VAV2: variants seen among roughly 807,000 people sequenced by gnomAD.
VAV2 encodes vav guanine nucleotide exchange factor 2.
In VAV2, 67 loss-of-function variants were observed where a neutral mutation model predicts 132.5. That is an observed-to-expected ratio of 0.51 (90% CI 0.42 to 0.62). The LOEUF is 0.62. VAV2 is among the 20% of genes least tolerant of loss of function. The pLI is 0.00. For missense variants in VAV2, 938 were observed against 1,153.6 expected (o/e 0.81, Z 2.71); for synonymous variants, 492 against 443.5 (o/e 1.11, Z -1.37).
intron 17 of VAV2, among the ~76,000 whole-genome samples, chr9:133,784,877 G>A (rs1007469216): frequency 2.6e-5 from 4 of 152,136 alleles, no homozygotes; most frequent in African/African-American, 9.7e-5. Context: ...GGATGGCTGG[G>A]GTGGGGTGGG....
chr9:133,797,050 T>C (rs1834747114), intron 10 of VAV2, among the ~76,000 whole-genome samples: 2 of 152,180 alleles, frequency 1.3e-5, no homozygotes, highest in South Asian at 4.1e-4. Flanking sequence ...CCACGCTGCC[T>C]CCACCACTGC....
chr9:133,862,931 C>T (rs920820042), intron 2 of VAV2, among the ~76,000 whole-genome samples: 3 of 152,186 alleles, frequency 2.0e-5, no homozygotes, highest in African/African-American at 7.2e-5. Flanking sequence ...CTGAGTGCTG[C>T]CTTCCTGTAC....
chr9:133,819,941 A>C (rs947009880), intron 4 of VAV2, among the ~76,000 whole-genome samples: 1 of 152,270 alleles, frequency 6.6e-6, no homozygotes, highest in African/African-American at 2.4e-5. Flanking sequence ...GTATTTGATA[A>C]AACAATGTTA....
intron 7 of VAV2, among the ~76,000 whole-genome samples, chr9:133,808,711 G>C (rs62576510): frequency 0.14 from 21,851 of 152,246 alleles, 1,681 homozygotes; most frequent in Admixed American, 0.2. Flanking sequence ...AGCTCTAGGT[G>C]GGGTGGGGGG....
intron 5 of VAV2, 50 bp from the exon 6 acceptor site, chr9:133,810,255 C>A: frequency 6.2e-7 from 1 of 1,611,678 alleles, no homozygotes; most frequent in East Asian, 2.2e-5. Flanking sequence ...GCAGGGCCCA[C>A]ACTGTCCTGG....
chr9:133,949,243 C>T (rs907071924), intron 1 of VAV2, among the ~76,000 whole-genome samples: 6 of 152,032 alleles, frequency 3.9e-5, no homozygotes, highest in East Asian at 3.9e-4. Flanking sequence ...AGCAAGCTTC[C>T]GGACCCCTGT....
At chr9:133,949,162 G>A (rs961407102) in intron 1 of VAV2, among the ~76,000 whole-genome samples, 9 of 152,058 alleles carry the variant, frequency 5.9e-5, no homozygotes, top group African/African-American at 1.7e-4. Flanking sequence ...GACTCACAAC[G>A]CACTACACCA....
chr9:133,821,720 C>T (rs1346399888), intron 4 of VAV2, among the ~76,000 whole-genome samples: 1 of 152,204 alleles, frequency 6.6e-6, no homozygotes, highest in Non-Finnish European at 1.5e-5. Flanking sequence ...AGCTGTGTTG[C>T]TTTTGTGGGT....
At chr9:133,878,173 C>A (rs899575320) in intron 2 of VAV2, among the ~76,000 whole-genome samples, 3 of 152,222 alleles carry the variant, frequency 2.0e-5, no homozygotes, top group African/African-American at 7.2e-5. Flanking sequence ...CACAGATGCT[C>A]CGGGTGTACC....
At chr9:133,767,604 G>A (rs1833479220) in intron 29 of VAV2, among the ~76,000 whole-genome samples, 1 of 152,198 alleles carries the variant, frequency 6.6e-6, no homozygotes, top group Non-Finnish European at 1.5e-5. Flanking sequence ...CAGTAGCCTT[G>A]ACACTTCTAT....
chr9:133,967,336 G>A (rs77422432), intron 1 of VAV2, among the ~76,000 whole-genome samples: 1 of 152,144 alleles, frequency 6.6e-6, no homozygotes. Flanking sequence ...GCCACTATAG[G>A]AAACAGTACA....
chr9:133,846,191 G>C (rs1836928274), intron 3 of VAV2, among the ~76,000 whole-genome samples: 2 of 152,344 alleles, frequency 1.3e-5, no homozygotes, highest in South Asian at 4.1e-4. Flanking sequence ...GCCAGAAAGT[G>C]GCAGAGGTGG....
intron 19 of VAV2, among the ~76,000 whole-genome samples, chr9:133,781,280 T>C (rs1034901383): frequency 6.6e-6 from 1 of 152,172 alleles, no homozygotes; most frequent in Admixed American, 6.5e-5. Flanking sequence ...GAGCCAATGT[T>C]CCCAAGGCCC....
chr9:133,990,298 G>A (rs972936143), intron 1 of VAV2, among the ~76,000 whole-genome samples: 3 of 152,148 alleles, frequency 2.0e-5, no homozygotes, highest in African/African-American at 7.2e-5. Flanking sequence ...CAGCAGCAGG[G>A]CTCAAGGGGC....
chr9:133,853,112 GGCAGGCCCAGGACA>G (rs2131844059), intron 3 of VAV2, among the ~76,000 whole-genome samples: 1 of 152,328 alleles, frequency 6.6e-6, no homozygotes, highest in East Asian at 1.9e-4. Context: ...TAAAAGCCGT[GGCAGGCCCAGGACA>G]GCAGGAAGAG....
chr9:133,889,630 A>G (rs1029595305), intron 2 of VAV2, among the ~76,000 whole-genome samples: 12 of 152,134 alleles, frequency 7.9e-5, no homozygotes, highest in African/African-American at 2.9e-4. Context: ...GCACAAATAC[A>G]TTAAGCCAGC....
chr9:133,783,587 T>C lies in VAV2; in HGVS notation c.1639A>G (p.Thr547Ala). Residue 547 changes from threonine (T) to alanine (A), a missense_variant, in exon 19 of 30, where the codon ACC (threonine) becomes GCC (alanine). Thr to Ala is a moderately conservative substitution (Grantham distance 58, BLOSUM62 0). Transcript: ENST00000371850. ...GTACACATGTATCCCTGGTAGAAGG[T>C]GCCCCTGCACAGGGGAGGGCAGGAG... ...CKACKMFLRG[T>A]FYQGYMCTKC... 1 of 1,613,876 alleles carries C rather than the reference T, an allele frequency of 6.2e-7. No individual in the cohort carries two copies. The highest frequency in any genetic ancestry group is 1.1e-5 in the South Asian group (1 of 91,076).
chr9:133,888,485 GC>G (rs1300599955), intron 2 of VAV2, among the ~76,000 whole-genome samples: 1 of 152,228 alleles, frequency 6.6e-6, no homozygotes, highest in African/African-American at 2.4e-5. Flanking sequence ...GGACAGGCAG[GC>G]CCAGACATGT....
At chr9:133,772,241 T>C (rs995537215) in intron 25 of VAV2, among the ~76,000 whole-genome samples, 195 bp from the exon 26 acceptor site, 2 of 152,214 alleles carry the variant, frequency 1.3e-5, no homozygotes, top group Non-Finnish European at 2.9e-5. Flanking sequence ...CCTGCCTGCC[T>C]GCCCTCCTTG....
Sources: gnomAD v4.1 joint callset for allele counts (sites outside exome capture counted in the v4.1 genomes callset) on GRCh38, gnomAD v4.1.1 for gene constraint, MANE v1.5 for transcripts, NCBI Gene and HGNC (gene_info 2026-07-23, HGNC 2026-07-21) for gene names.